The following KCNH7 variants were observed in gnomAD, a reference collection of about 807,000 sequenced individuals.
KCNH7 encodes voltage-gated inwardly rectifying potassium channel KCNH7.
In KCNH7, 49 loss-of-function variants were observed where a neutral mutation model predicts 120.8. That is an observed-to-expected ratio of 0.41 (90% confidence interval 0.32 to 0.51). KCNH7 has a LOEUF of 0.51. KCNH7 is among the 20% of genes least tolerant of loss of function. KCNH7 has a pLI of 0.38. For missense variants in KCNH7, 1,097 were observed against 1,446.6 expected, an observed-to-expected ratio of 0.76 and a Z score of 3.92; for synonymous variants, 547 against 516.1, an observed-to-expected ratio of 1.06 and a Z score of -0.81.
intron 2 of KCNH7, among the ~76,000 whole-genome samples, chr2:162,569,232 T>G (rs1479120116): frequency 6.6e-6 from 1 of 151,974 alleles, no homozygotes; most frequent in Admixed American, 6.6e-5. Flanking sequence ...ATTCAGAGAT[T>G]CAACTTCTTC....
intron 2 of KCNH7, among the ~76,000 whole-genome samples, chr2:162,809,955 G>A (rs1404113930): frequency 6.6e-5 from 1 of 15,166 alleles, no homozygotes; most frequent in Non-Finnish European, 1.6e-4. Flanking sequence ...TCGCTCTGTC[G>A]CCCAGGCTGG....
At chr2:162,549,610 G>A (rs771776844) in intron 2 of KCNH7, among the ~76,000 whole-genome samples, 19 of 152,096 alleles carry the variant, frequency 1.2e-4, no homozygotes, top group Non-Finnish European at 1.8e-4. Flanking sequence ...CCCTCAAATC[G>A]TACAGAAGAA....
chr2:162,699,780 T>C (rs994227761), intron 2 of KCNH7, among the ~76,000 whole-genome samples: 17 of 152,102 alleles, frequency 1.1e-4, no homozygotes, highest in Non-Finnish European at 2.2e-4. Flanking sequence ...TTCTTTCTCA[T>C]AATGTTCTAA....
At chr2:162,426,487 A>G (rs1687869287) in intron 8 of KCNH7, among the ~76,000 whole-genome samples, 1 of 152,168 alleles carries the variant, frequency 6.6e-6, no homozygotes, top group Non-Finnish European at 1.5e-5. Context: ...TTTTAGTTTT[A>G]TAAAATAGGG....
intron 2 of KCNH7, among the ~76,000 whole-genome samples, chr2:162,833,140 T>C (rs1685537463): frequency 6.6e-6 from 1 of 152,164 alleles, no homozygotes; most frequent in Non-Finnish European, 1.5e-5. Flanking sequence ...TTTTTTCAAA[T>C]GTTTAAAGTT....
intron 2 of KCNH7, among the ~76,000 whole-genome samples, chr2:162,737,006 G>A (rs1043806717): frequency 2.6e-5 from 4 of 152,056 alleles, no homozygotes; most frequent in African/African-American, 9.7e-5. Flanking sequence ...AAGGACTATG[G>A]TTCTGGAAAT....
At chr2:162,561,571 T>C (rs866873180) in intron 2 of KCNH7, among the ~76,000 whole-genome samples, 4 of 152,238 alleles carry the variant, frequency 2.6e-5, no homozygotes, top group African/African-American at 9.6e-5. Flanking sequence ...CCTGACTTTT[T>C]AATGATTGCC....
intron 7 of KCNH7, among the ~76,000 whole-genome samples, chr2:162,439,706 A>G (rs756002679): frequency 3.3e-5 from 5 of 152,066 alleles, no homozygotes; most frequent in African/African-American, 4.8e-5. Flanking sequence ...ATATCATTCA[A>G]TTTCAAAACT....
intron 2 of KCNH7, among the ~76,000 whole-genome samples, chr2:162,635,265 C>G (rs1683914502): frequency 1.3e-5 from 2 of 152,164 alleles, no homozygotes; most frequent in South Asian, 4.1e-4. Flanking sequence ...AGGTAAGACA[C>G]AGTTTGTCTC....
chr2:162,454,712 G>T (rs945765559), intron 6 of KCNH7, among the ~76,000 whole-genome samples: 3 of 152,034 alleles, frequency 2.0e-5, no homozygotes, highest in African/African-American at 7.2e-5. Context: ...GTGAACAGAA[G>T]TTCATTCATG....
intron 12 of KCNH7, among the ~76,000 whole-genome samples, chr2:162,390,967 A>AG (rs1463825864): frequency 6.6e-6 from 1 of 152,010 alleles, no homozygotes; most frequent in Non-Finnish European, 1.5e-5. Flanking sequence ...GGGAGGCATA[A>AG]TTGGAAGCGG....
At chr2:162,774,763 T>C (rs1326089245) in intron 2 of KCNH7, among the ~76,000 whole-genome samples, 1 of 152,190 alleles carries the variant, frequency 6.6e-6, no homozygotes, top group Non-Finnish European at 1.5e-5. Flanking sequence ...CCCACTGAAA[T>C]AATGATTATA....
intron 2 of KCNH7, among the ~76,000 whole-genome samples, chr2:162,772,261 G>A (rs1050127413): frequency 5.3e-5 from 8 of 152,192 alleles, no homozygotes; most frequent in Non-Finnish European, 1.2e-4. Flanking sequence ...AAGAGATAAA[G>A]AGAGTAATGT....
At chr2:162,516,561 A>G (rs530127709) in intron 4 of KCNH7, among the ~76,000 whole-genome samples, 1 of 151,774 alleles carries the variant, frequency 6.6e-6, no homozygotes, top group Non-Finnish European at 1.5e-5. Context: ...TCAGCTGACA[A>G]AGTGCCTAAC....
At chr2:162,517,689 C>T in intron 4 of KCNH7, 41 bp downstream of exon 4, 1 of 1,372,472 alleles carries the variant, frequency 7.3e-7, no homozygotes, top group Middle Eastern at 1.9e-4. Context: ...CATTTATTAC[C>T]CATTAATATA....
intron 6 of KCNH7, among the ~76,000 whole-genome samples, chr2:162,470,223 A>G (rs940294774): frequency 3.0e-4 from 45 of 149,414 alleles, no homozygotes; most frequent in African/African-American, 1.0e-3. Flanking sequence ...GAAAGTGAGG[A>G]GCCTCTCTGC....
intron 6 of KCNH7, among the ~76,000 whole-genome samples, chr2:162,484,745 G>A (rs1371155182): frequency 6.6e-6 from 1 of 152,156 alleles, no homozygotes; most frequent in African/African-American, 2.4e-5. Context: ...ATGGTAATGA[G>A]TGAATTCTTG....
chr2:162,394,599 A>G, intron 11 of KCNH7, 114 bp from the exon 12 acceptor site: 3 of 645,634 alleles, frequency 4.6e-6, no homozygotes, highest in Non-Finnish European at 8.0e-6. Context: ...AGACTTAATT[A>G]TTAGATTGCA....
chr2:162,728,629 T>C (rs1687612833), intron 2 of KCNH7, among the ~76,000 whole-genome samples: 2 of 152,072 alleles, frequency 1.3e-5, no homozygotes, highest in Admixed American at 1.3e-4. Flanking sequence ...AACTACAAAA[T>C]TAGCCGGGCT....
Sources: gnomAD v4.1 joint callset for allele counts (sites outside exome capture counted in the v4.1 genomes callset) on GRCh38, gnomAD v4.1.1 for gene constraint, MANE v1.5 for transcripts, NCBI Gene and HGNC (gene_info 2026-07-23, HGNC 2026-07-21) for gene names.